TYMS: variants seen among roughly 807,000 people sequenced by gnomAD.
The protein encoded by TYMS is thymidylate synthetase.
In TYMS, 21 loss-of-function variants were observed where a neutral mutation model predicts 39.3. The ratio of observed to expected loss-of-function variants is 0.54; its 90% CI spans 0.38 to 0.77. The LOEUF is 0.77. TYMS is among the 30% of genes least tolerant of loss of function. TYMS has a pLI of 0.00. For synonymous variants in TYMS, 171 were observed against 162.2 expected (o/e 1.05, Z -0.41); for missense variants, 273 against 406.7 (o/e 0.67, Z 2.83).
Position 662,180 on chromosome 18 carries a change from G to A in TYMS, c.314G>A (p.Gly105Glu). ...STNAKELSSKGVKIWDANGSR... is the reference protein window; with the variant it reads ...STNAKELSSKEVKIWDANGSR... Reference sequence around the variant, plus strand: ...AATGCTAAAGAGCTGTCTTCCAAGGGAGTGAAAATCTGGGATGCCAATGGA... The same window carrying A: ...AATGCTAAAGAGCTGTCTTCCAAGGAAGTGAAAATCTGGGATGCCAATGGA... The change falls in exon 3 of 7, where the codon GGA (glycine) becomes GAA (glutamate). Residue 105 changes from glycine (G) to glutamate (E), a missense_variant. Coordinates refer to ENST00000323274, the MANE Select transcript of TYMS (RefSeq NM_001071.4). The A allele has an allele frequency of 6.2e-7, 1 of 1,613,678 alleles. No homozygotes were observed. The highest frequency in any genetic ancestry group is 8.5e-7 in the Non-Finnish European group (1 of 1,179,826).
chr18:662,382 G>A (rs373923844), intron 3 of TYMS, 62 bp downstream of exon 3: 26 of 1,470,860 alleles, frequency 1.8e-5, no homozygotes, highest in African/African-American at 2.8e-5. Context: ...TGTTTGCTCC[G>A]TTGTTTTAGA....
At chr18:666,987 T>C (rs868798037) in intron 3 of TYMS, among the ~76,000 whole-genome samples, 68 of 5,242 alleles carry the variant, frequency 0.013, 1 homozygote, top group African/African-American at 0.035. Flanking sequence ...ATGGAGATGG[T>C]GATGGTGATG....
At chr18:666,935 ATGGAGATGGT>A (rs2074835173) in intron 3 of TYMS, among the ~76,000 whole-genome samples, 1 of 40,734 alleles carries the variant, frequency 2.5e-5, no homozygotes, top group African/African-American at 7.1e-5. Context: ...GGTGATGGTG[ATGGAGATGGT>A]GATGGTGATG....
chr18:661,588 T>C (rs2074755992), intron 2 of TYMS, among the ~76,000 whole-genome samples: 2 of 152,176 alleles, frequency 1.3e-5, no homozygotes, highest in South Asian at 4.1e-4. Flanking sequence ...CTAAAAAGCT[T>C]AGTTGAGGGG....
In TYMS at chr18:666,950, GT is replaced by G. The variant is rs1183345780; in HGVS notation, c.455-2121del. On this transcript the variant is annotated intron_variant, in intron 3 of 6. Coordinates refer to ENST00000323274, the MANE Select transcript of TYMS (RefSeq NM_001071.4). ...GGTGATGGTGATGGAGATGGTGATG[GT>G]GATGGAGATGGAGATGGTGATGGAG... 1.6e-4 allele frequency among the ~76,000 whole-genome samples: 5 copies of G among 31,348 alleles called. 1 individual carries two copies. Among genetic ancestry groups the G allele is most frequent in the Non-Finnish European group, 2.8e-4 (4 of 14,498 alleles). The allele number at this position is 31,348 out of a possible 152,430, so 20.6% of individuals were successfully genotyped here.
In TYMS at chr18:657,832, G is replaced by C; in HGVS notation, c.90G>C (p.Glu30Asp). The change falls in exon 1 of 7, where the codon GAG becomes GAC. Residue 30 changes from glutamate (E) to aspartate (D), a missense_variant. By Grantham distance (45) the Glu-to-Asp change is conservative. Transcript: ENST00000323274. ...CCGAGCCGCGTCCGCCGCACGGGGA[G>C]CTGCAGTACCTGGGGCAGATCCAAC... Reference protein sequence around the residue: ...RDAEPRPPHGELQYLGQIQHI... With the variant: ...RDAEPRPPHGDLQYLGQIQHI... The C allele has an allele frequency of 2.7e-6, 4 of 1,479,708 alleles. No homozygotes were observed. Among genetic ancestry groups the C allele is most frequent in the Non-Finnish European group, 3.6e-6 (4 of 1,124,882 alleles). The allele number at this position is 1,479,708 out of a possible 1,614,324, so 91.7% of individuals were successfully genotyped here.
rs563603515 is a variant in TYMS at position 666,462 on chromosome 18, G to T, written c.455-2610G>T. On this transcript the variant is annotated intron_variant, in intron 3 of 6. Transcript: ENST00000323274. ...CTTCCACTTTCCTGTCACTGTTGGT[G>T]TCACCTCTTACTGGATGTCACAGAG... Among the ~76,000 whole-genome samples the T allele has an allele frequency of 2.6e-5, 4 of 152,274 alleles. No individual in the cohort carries two copies. The East Asian group carries it at 7.7e-4, about 29-fold the overall frequency.
chr18:669,446 C>T (rs188866936), intron 4 of TYMS: 3 of 285,956 alleles, frequency 1.0e-5, no homozygotes, highest in East Asian at 6.4e-5. Context: ...GATCTTGGCT[C>T]ACTGTAACCT....
chr18:670,678 T>C lies in TYMS; in HGVS notation c.557-14T>C. The C allele has an allele frequency of 6.2e-7, 1 of 1,613,330 alleles. No individual in the cohort carries two copies. Among genetic ancestry groups the C allele is most frequent in the Non-Finnish European group, 8.5e-7 (1 of 1,179,498 alleles). ...ACCACCATCCCTCCTTATCTTCCTC[T>C]GCTGGTTCCTCAGATCTTCCTCTGA... On this transcript the variant is annotated splice_polypyrimidine_tract_variant and intron_variant, in intron 4 of 6. Transcript: ENST00000323274.
At chr18:670,599 AG>A (rs1427352009) in intron 4 of TYMS, 92 bp from the exon 5 acceptor site, 1 of 1,373,172 alleles carries the variant, frequency 7.3e-7, no homozygotes, top group East Asian at 2.3e-5. Context: ...CCACCATATG[AG>A]TTGGCTTCTG....
intron 2 of TYMS, among the ~76,000 whole-genome samples, chr18:659,926 T>C (rs1251619739): frequency 6.6e-6 from 1 of 152,044 alleles, no homozygotes; most frequent in Non-Finnish European, 1.5e-5. Context: ...CACAAAAAAT[T>C]AGCCAGGTGT....
intron 2 of TYMS, 53 bp from the exon 3 acceptor site, chr18:662,093 A>G: frequency 1.3e-6 from 2 of 1,535,568 alleles, no homozygotes; most frequent in Non-Finnish European, 1.7e-6. Flanking sequence ...GGATCAACTG[A>G]GATGGCTTAG....
intron 1 of TYMS, among the ~76,000 whole-genome samples, chr18:659,187 C>A (rs2074729536): frequency 6.6e-6 from 1 of 152,086 alleles, no homozygotes. Context: ...GTACCACAAG[C>A]GAGTGCGGAT....
At chr18:668,104 C>T (rs1032699621) in intron 3 of TYMS, among the ~76,000 whole-genome samples, 1 of 149,434 alleles carries the variant, frequency 6.7e-6, no homozygotes. Flanking sequence ...TTGGTGCATT[C>T]CTCAGAGTTG....
At position 657,964 on chromosome 18, in the gene TYMS, C is replaced by T. The variant is rs764032292; in HGVS notation, c.205+17C>T. The T allele has an allele frequency of 2.0e-6, 3 of 1,509,164 alleles. No homozygotes were observed. In the South Asian group the frequency reaches 4.0e-5, roughly 20 times the overall value. 93.5% of individuals were successfully genotyped at this position (1,509,164 alleles called of 1,614,324 possible). ...GCCTGAGAGGTGACGCCGCGGGCCCCTGCGGGACGGGTGGCGGGAAGGAGG... is the reference window on the plus strand; with the variant it reads ...GCCTGAGAGGTGACGCCGCGGGCCCTTGCGGGACGGGTGGCGGGAAGGAGG... On this transcript the variant is annotated intron_variant, in intron 1 of 6. Transcript: ENST00000323274.
intron 3 of TYMS, among the ~76,000 whole-genome samples, chr18:662,691 A>C (rs1486644391): frequency 1.3e-5 from 2 of 150,524 alleles, no homozygotes; most frequent in Non-Finnish European, 3.0e-5. Context: ...CAGTCCCCAG[A>C]GTGTGATGTT....
chr18:657,775 G>A lies in TYMS; in HGVS notation c.33G>A (p.Arg11=). 3.5e-6 allele frequency: 5 copies of A among 1,441,254 alleles called. No homozygotes were observed. The highest frequency in any genetic ancestry group is 3.6e-6 in the Non-Finnish European group (4 of 1,105,650). 89.3% of individuals were successfully genotyped at this position (1,441,254 alleles called of 1,614,324 possible). MPVAGSELPR[R]PLPPAAQERD... is the part of the protein sequence containing the mutation. ...TGGCCGGCTCGGAGCTGCCGCGCCG[G>A]CCCTTGCCCCCCGCCGCACAGGAGC... The change falls in exon 1 of 7, where the codon CGG becomes CGA. Residue 11 remains arginine, a synonymous_variant. Coordinates refer to ENST00000323274, the MANE Select transcript of TYMS (RefSeq NM_001071.4).
At chr18:659,138 G>T (rs964202940) in intron 1 of TYMS, among the ~76,000 whole-genome samples, 5 of 152,154 alleles carry the variant, frequency 3.3e-5, no homozygotes, top group African/African-American at 1.2e-4. Context: ...GATAAAAGCA[G>T]GTGCTTGCAA....
chr18:668,214 A>G (rs1199999974), intron 3 of TYMS, among the ~76,000 whole-genome samples: 1 of 151,772 alleles, frequency 6.6e-6, no homozygotes, highest in Non-Finnish European at 1.5e-5. Flanking sequence ...ACAGAACTAC[A>G]CTACCAAGGT....
Sources: gnomAD v4.1 joint callset for allele counts (sites outside exome capture counted in the v4.1 genomes callset) on GRCh38, gnomAD v4.1.1 for gene constraint, MANE v1.5 for transcripts, NCBI Gene and HGNC (gene_info 2026-07-23, HGNC 2026-07-21) for gene names.